Variants in DLGAP1 observed in about 807,000 individuals in gnomAD.
DLGAP1 encodes the protein disks large-associated protein 1.
DLGAP1 carries 11 observed loss-of-function variants against 90.8 expected under a neutral mutation model. That is an observed-to-expected ratio of 0.12 (90% confidence interval 0.08 to 0.20). The LOEUF (loss-of-function observed/expected upper bound fraction) is 0.20. Ranked by LOEUF, DLGAP1 falls within the 10% of genes least tolerant of loss-of-function variation. DLGAP1 has a pLI of 1.00. For synonymous variants in DLGAP1, 558 were observed against 540.7 expected, an observed-to-expected ratio of 1.03 and a Z score of -0.44; for missense variants, 1,050 against 1,333.8, an observed-to-expected ratio of 0.79 and a Z score of 3.31.
intron 2 of DLGAP1, among the ~76,000 whole-genome samples, chr18:4,043,052 GACGTA>G (rs1433126883): frequency 6.6e-6 from 1 of 152,174 alleles, no homozygotes; most frequent in East Asian, 1.9e-4. Flanking sequence ...TTTGTCCTCA[GACGTA>G]ATTTAGGTTT....
chr18:3,592,878 G>A lies in DLGAP1; in HGVS notation c.1592-10630C>T, dbSNP rs371994762. 3.4e-3 allele frequency among the ~76,000 whole-genome samples: 391 copies of A among 113,636 alleles called. 6 individuals carry two copies. Among genetic ancestry groups the A allele is most frequent in the Non-Finnish European group, 4.3e-3 (245 of 56,432 alleles). The allele number at this position is 113,636 out of a possible 152,430, so 74.5% of individuals were successfully genotyped here. A position where few individuals can be genotyped will look rare whatever the true frequency, so the allele number is the denominator to read the frequency against. ...AAAAAAAAAAAAAAAGAAAAAGAAA[G>A]AAAGAAAAAGAAAAAGAAAAAGAAA... On this transcript the variant is annotated intron_variant, in intron 7 of 12. Transcript: ENST00000315677.
Position 3,600,695 on chromosome 18 carries a change from T to G in DLGAP1, c.1592-18447A>C, listed in dbSNP as rs111258983. On this transcript the variant is annotated intron_variant, in intron 7 of 12. Coordinates refer to ENST00000315677, the MANE Select transcript of DLGAP1 (RefSeq NM_004746.4). ...CTATAGATATCTATAGAGATCTATATAGATATCTATAGCTATATAGATATA... is the reference window on the plus strand; with the variant it reads ...CTATAGATATCTATAGAGATCTATAGAGATATCTATAGCTATATAGATATA... 4.4e-5 allele frequency among the ~76,000 whole-genome samples: 6 copies of G among 135,110 alleles called. 1 individual carries two copies. Among genetic ancestry groups the G allele is most frequent in the Non-Finnish European group, 7.7e-5 (5 of 65,176 alleles). The allele number at this position is 135,110 out of a possible 152,430, so 88.6% of individuals were successfully genotyped here. A position where few individuals can be genotyped will look rare whatever the true frequency, so the allele number is the denominator to read the frequency against.
rs1371086899 is a variant in DLGAP1 at position 3,601,845 on chromosome 18, G to GAAAAAAA, written c.1592-19598_1592-19597insTTTTTTT. Among the ~76,000 whole-genome samples, 75 of 10,850 alleles carry GAAAAAAA rather than the reference G, an allele frequency of 6.9e-3. 1 individual carries two copies. The Middle Eastern group carries it at 0.21, about 30-fold the overall frequency. 7.1% of individuals were successfully genotyped at this position (10,850 alleles called of 152,430 possible). ...GGGTGACAGAGCGAGACTCCATCTC[G>GAAAAAAA]GAAAAAAAAAAAAATTAGCTGGGCG... is the stretch of plus-strand genomic sequence containing the variant. On this transcript the variant is annotated intron_variant, in intron 7 of 12. Transcript: ENST00000315677.
chr18:3,988,749 C>T (rs141657446), intron 3 of DLGAP1, among the ~76,000 whole-genome samples: 145 of 152,284 alleles, frequency 9.5e-4, no homozygotes, highest in African/African-American at 3.3e-3. Context: ...GCACTGTGTA[C>T]TGTACCAGTA....
At chr18:4,275,655 T>C (rs774756210) in intron 1 of DLGAP1, among the ~76,000 whole-genome samples, 2 of 152,014 alleles carry the variant, frequency 1.3e-5, no homozygotes, top group Non-Finnish European at 2.9e-5. Context: ...GCATGGCTCA[T>C]TCTTGCAAGA....
At chr18:3,876,536 A>T (rs910749895) in intron 4 of DLGAP1, among the ~76,000 whole-genome samples, 1 of 152,350 alleles carries the variant, frequency 6.6e-6, no homozygotes, top group South Asian at 2.1e-4. Flanking sequence ...GAATATGTTA[A>T]ACTGTTTTCA....
chr18:4,202,795 T>C (rs1159194012), intron 1 of DLGAP1, among the ~76,000 whole-genome samples: 1 of 152,184 alleles, frequency 6.6e-6, no homozygotes, highest in East Asian at 1.9e-4. Context: ...GGAGTGGTTT[T>C]ACAATAAGAT....
chr18:3,551,153 A>T (rs969724722), intron 9 of DLGAP1, among the ~76,000 whole-genome samples: 1 of 7,818 alleles, frequency 1.3e-4, no homozygotes, highest in African/African-American at 1.4e-4. Context: ...GACTAATATT[A>T]TATACATATA....
chr18:4,214,876 A>G (rs2077920194), intron 1 of DLGAP1, among the ~76,000 whole-genome samples: 1 of 152,156 alleles, frequency 6.6e-6, no homozygotes, highest in African/African-American at 2.4e-5. Flanking sequence ...AACAAACACC[A>G]GAATTTTTTC....
intron 2 of DLGAP1, among the ~76,000 whole-genome samples, chr18:4,086,390 T>C (rs2075681267): frequency 2.0e-5 from 3 of 152,192 alleles, no homozygotes; most frequent in South Asian, 4.1e-4. Context: ...TACTAATTAC[T>C]TTAGCTAACT....
intron 4 of DLGAP1, among the ~76,000 whole-genome samples, chr18:3,843,087 C>T (rs1343546615): frequency 6.6e-6 from 1 of 152,136 alleles, no homozygotes; most frequent in Non-Finnish European, 1.5e-5. Context: ...CACCACTGTC[C>T]TCAGCTGGTA....
intron 3 of DLGAP1, among the ~76,000 whole-genome samples, chr18:3,898,500 A>G (rs2071705986): frequency 6.6e-6 from 1 of 152,204 alleles, no homozygotes; most frequent in Non-Finnish European, 1.5e-5. Context: ...TCCAGAGCTC[A>G]CAGTTTAGGC....
chr18:3,832,996 C>T (rs1905856708), intron 4 of DLGAP1, among the ~76,000 whole-genome samples: 1 of 152,122 alleles, frequency 6.6e-6, no homozygotes, highest in South Asian at 2.1e-4. Context: ...GTAATAAATA[C>T]ATGAGGCATA....
intron 5 of DLGAP1, among the ~76,000 whole-genome samples, chr18:3,811,498 A>C (rs774053755): frequency 6.6e-6 from 1 of 152,174 alleles, no homozygotes; most frequent in Non-Finnish European, 1.5e-5. Flanking sequence ...ACTCCATCCT[A>C]AGTAAAATGT....
chr18:3,664,210 A>ACC (rs773079569), intron 7 of DLGAP1, among the ~76,000 whole-genome samples: 41 of 130,652 alleles, frequency 3.1e-4, no homozygotes, highest in African/African-American at 1.2e-3. Context: ...ACACACACAC[A>ACC]CACACACCCA....
intron 7 of DLGAP1, among the ~76,000 whole-genome samples, chr18:3,621,684 GTC>G (rs2058100632): frequency 1.3e-5 from 2 of 152,200 alleles, no homozygotes; most frequent in Admixed American, 6.5e-5. Flanking sequence ...CTGCACTGGA[GTC>G]TCTCTGAGCT....
At chr18:3,710,463 A>C (rs1319566666) in intron 7 of DLGAP1, among the ~76,000 whole-genome samples, 1 of 152,032 alleles carries the variant, frequency 6.6e-6, no homozygotes, top group Non-Finnish European at 1.5e-5. Context: ...AAGGTTAAAG[A>C]CTCTGGTCTA....
chr18:3,999,244 T>C (rs1479767651), intron 3 of DLGAP1, among the ~76,000 whole-genome samples: 1 of 152,086 alleles, frequency 6.6e-6, no homozygotes, highest in African/African-American at 2.4e-5. Context: ...AGATAATTGG[T>C]AGCATACTAT....
intron 2 of DLGAP1, among the ~76,000 whole-genome samples, chr18:4,129,140 C>G (rs368799764): frequency 6.6e-6 from 1 of 151,842 alleles, no homozygotes; most frequent in Non-Finnish European, 1.5e-5. Context: ...GAGGGGCTAC[C>G]GAAATGTGAC....
Sources: allele counts gnomAD v4.1 joint callset (sites outside exome capture counted in the v4.1 genomes callset), GRCh38; gene constraint gnomAD v4.1.1; transcripts MANE v1.5; gene names NCBI Gene and HGNC (gene_info 2026-07-23, HGNC 2026-07-21).